Variants in PSMD14 observed in about 807,000 individuals in gnomAD.
PSMD14 encodes ubiquitin C-terminal hydrolase PSMD14.
Under a neutral mutation model 41.2 loss-of-function variants are expected in PSMD14, and 7 were observed. The observed-to-expected ratio is 0.17, with a 90% CI of 0.10 to 0.32. The LOEUF is 0.32. Among genes scored for constraint, PSMD14 ranks in the 10% least tolerant of loss-of-function variants. The probability of loss-of-function intolerance (pLI) is 1.00; values close to 1 mark genes in which losing one functional copy is unlikely to be tolerated. For synonymous variants in PSMD14, 114 were observed against 122.3 expected, an observed-to-expected ratio of 0.93 and a Z score of 0.45; for missense variants, 139 against 375.6, an observed-to-expected ratio of 0.37 and a Z score of 5.21.
At chr2:161,382,678 A>G (rs796243217) in intron 7 of PSMD14, 30 of 151,932 alleles carry the variant, frequency 2.0e-4, no homozygotes, top group African/African-American at 6.7e-4. Flanking sequence ...ATATTCCTGA[A>G]AATATTCTTC....
intron 10 of PSMD14, among the ~76,000 whole-genome samples, chr2:161,395,737 T>G (rs1683785152): frequency 6.6e-6 from 1 of 152,192 alleles, no homozygotes; most frequent in African/African-American, 2.4e-5. Context: ...AAATACACAT[T>G]TATACATTAT....
Position 161,318,878 on chromosome 2 carries a change from G to T in PSMD14, c.48+5G>T. On this transcript the variant is annotated splice_donor_5th_base_variant and intron_variant, in intron 3 of 11. Transcript: ENST00000409682. ...GGTATGCCTGGACTGGGCCAGGTTA[G>T]TATATAGTCTCTTGAGCATTTCCTT... is the stretch of plus-strand genomic sequence containing the variant. 1 of 1,610,118 alleles carries T rather than the reference G, an allele frequency of 6.2e-7. No individual in the cohort carries two copies. Among genetic ancestry groups the T allele is most frequent in the Non-Finnish European group, 8.5e-7 (1 of 1,176,892 alleles).
At chr2:161,325,782 T>C (rs1283573517) in intron 3 of PSMD14, among the ~76,000 whole-genome samples, 1 of 152,218 alleles carries the variant, frequency 6.6e-6, no homozygotes, top group Admixed American at 6.5e-5. Flanking sequence ...ACTGAAGTAG[T>C]AATATATTGT....
chr2:161,401,717 CTG>C (rs1683882122), intron 10 of PSMD14, among the ~76,000 whole-genome samples: 1 of 152,146 alleles, frequency 6.6e-6, no homozygotes, highest in Non-Finnish European at 1.5e-5. Context: ...ATTGAATTCT[CTG>C]TGAAATTTTT....
chr2:161,340,943 C>T (rs1331508703), intron 3 of PSMD14: 15 of 1,613,452 alleles, frequency 9.3e-6, no homozygotes, highest in African/African-American at 2.7e-5. Context: ...CAGGCCCTTC[C>T]GATGATGGCC....
intron 2 of PSMD14, among the ~76,000 whole-genome samples, chr2:161,317,482 G>A (rs560352884): frequency 5.8e-4 from 88 of 152,258 alleles, no homozygotes; most frequent in Non-Finnish European, 9.7e-4. Flanking sequence ...CTGGAAGCGG[G>A]GCTTGGGTGG....
In PSMD14 at chr2:161,341,311, C is replaced by T. The variant is rs1419150281; in HGVS notation, c.48+22438C>T. 33 of 1,018,312 alleles carry T rather than the reference C, an allele frequency of 3.2e-5. No homozygotes were observed. The South Asian group carries it at 8.6e-4, about 27-fold the overall frequency. 63.1% of individuals were successfully genotyped at this position (1,018,312 alleles called of 1,614,324 possible). A position where few individuals can be genotyped will look rare whatever the true frequency, so the allele number is the denominator to read the frequency against. On this transcript the variant is annotated intron_variant, in intron 3 of 11. Transcript: ENST00000409682. ...AGCGCAGGCAGCGCGGCCAGCAGCTCGGCCGGCGCCTCCATCGCGCCGCGG... is the reference window on the plus strand; with the variant it reads ...AGCGCAGGCAGCGCGGCCAGCAGCTTGGCCGGCGCCTCCATCGCGCCGCGG...
At chr2:161,349,133 G>A (rs1683084081) in intron 3 of PSMD14, among the ~76,000 whole-genome samples, 2 of 152,150 alleles carry the variant, frequency 1.3e-5, no homozygotes, top group Admixed American at 6.5e-5. Context: ...TGCAAATTTT[G>A]CTATTGAAAG....
chr2:161,356,601 T>C (rs1230718517), intron 3 of PSMD14, among the ~76,000 whole-genome samples: 1 of 152,092 alleles, frequency 6.6e-6, no homozygotes, highest in African/African-American at 2.4e-5. Flanking sequence ...TTAAAACATA[T>C]AATCACCTTC....
intron 3 of PSMD14, among the ~76,000 whole-genome samples, chr2:161,321,447 G>A (rs887978520): frequency 1.3e-5 from 2 of 151,916 alleles, no homozygotes; most frequent in South Asian, 2.1e-4. Flanking sequence ...TTTTATATCA[G>A]TGTCCAAACA....
At chr2:161,378,589 T>C (rs1420954213) in intron 7 of PSMD14, among the ~76,000 whole-genome samples, 1 of 151,974 alleles carries the variant, frequency 6.6e-6, no homozygotes, top group Non-Finnish European at 1.5e-5. Context: ...CAGTGACGAA[T>C]GAGACACAAA....
chr2:161,358,737 G>A (rs1252436494), intron 3 of PSMD14, among the ~76,000 whole-genome samples: 1 of 152,152 alleles, frequency 6.6e-6, no homozygotes, highest in African/African-American at 2.4e-5. Context: ...GAGATCAGGA[G>A]TTTGAGACCA....
At chr2:161,406,096 GTAAA>G (rs1683944150) in intron 10 of PSMD14, among the ~76,000 whole-genome samples, 1 of 152,244 alleles carries the variant, frequency 6.6e-6, no homozygotes. Flanking sequence ...TTGTAAAAGG[GTAAA>G]TAAAGTGATG....
chr2:161,392,342 C>CT (rs1683723386), intron 9 of PSMD14, among the ~76,000 whole-genome samples: 1 of 152,154 alleles, frequency 6.6e-6, no homozygotes, highest in African/African-American at 2.4e-5. Context: ...GATAAGTAAT[C>CT]AGTAGCAAAT....
At chr2:161,350,067 G>A (rs904284067) in intron 3 of PSMD14, among the ~76,000 whole-genome samples, 92 of 152,310 alleles carry the variant, frequency 6.0e-4, no homozygotes, top group African/African-American at 1.7e-3. Context: ...AGACAAATAC[G>A]TGGTAACATT....
chr2:161,395,287 A>G, intron 10 of PSMD14, 84 bp downstream of exon 10: 1 of 1,219,568 alleles, frequency 8.2e-7, no homozygotes. Flanking sequence ...GTAATTAAAA[A>G]TAGAGAATCC....
intron 5 of PSMD14, among the ~76,000 whole-genome samples, 197 bp downstream of exon 5, chr2:161,368,100 A>G (rs1031017646): frequency 6.6e-6 from 1 of 152,114 alleles, no homozygotes; most frequent in Non-Finnish European, 1.5e-5. Context: ...TTATAGGTCT[A>G]CAAACTGAAT....
intron 1 of PSMD14, among the ~76,000 whole-genome samples, chr2:161,309,661 T>A (rs1053831050): frequency 6.6e-6 from 1 of 152,218 alleles, no homozygotes; most frequent in African/African-American, 2.4e-5. Context: ...TGGTTCTGAA[T>A]TAACTACAGT....
At chr2:161,396,189 G>T (rs184924524) in intron 10 of PSMD14, among the ~76,000 whole-genome samples, 1 of 152,262 alleles carries the variant, frequency 6.6e-6, no homozygotes, top group East Asian at 1.9e-4. Flanking sequence ...AACATACAAA[G>T]AAATGTTACC....
Sources: allele counts gnomAD v4.1 joint callset (sites outside exome capture counted in the v4.1 genomes callset), GRCh38; gene constraint gnomAD v4.1.1; transcripts MANE v1.5; gene names NCBI Gene and HGNC (gene_info 2026-07-23, HGNC 2026-07-21).